GFRA2: variants seen among roughly 807,000 people sequenced by gnomAD.
The protein encoded by GFRA2 is GDNF family receptor alpha-2.
GFRA2 carries 17 observed loss-of-function variants against 48.3 expected under a neutral mutation model. The observed-to-expected ratio is 0.35, with a 90% CI of 0.24 to 0.53. The LOEUF (loss-of-function observed/expected upper bound fraction) is 0.53. GFRA2 is among the 20% of genes least tolerant of loss of function. The pLI, the probability that GFRA2 is intolerant of heterozygous loss-of-function variation, is 0.93. For synonymous variants in GFRA2, 305 were observed against 257.2 expected (o/e 1.19, Z -1.78); for missense variants, 660 against 637.3 (o/e 1.04, Z -0.38).
rs1010871640 is a variant in GFRA2, at chr8:21,776,934, G to C, written c.356-1879C>G. 8.5e-5 allele frequency among the ~76,000 whole-genome samples: 13 copies of C among 152,242 alleles called. No individual in the cohort carries two copies. In the East Asian group the frequency reaches 2.5e-3, roughly 29 times the overall value. On this transcript the variant is annotated intron_variant, in intron 2 of 8. Transcript: ENST00000524240. ...GGGTTACCAGCCATTGCTATTTATT[G>C]AGGCCAAACAATATAGGAACTTAGG...
chr8:21,711,689 T>TTTTTTTTTTTTCTC (rs1803038279), intron 4 of GFRA2, among the ~76,000 whole-genome samples: 1 of 133,754 alleles, frequency 7.5e-6, no homozygotes, highest in African/African-American at 3.0e-5. Flanking sequence ...ACAGTTTTTC[T>TTTTTTTTTTTTCTC]TTTTTTTTTT....
intron 7 of GFRA2, among the ~76,000 whole-genome samples, chr8:21,698,361 T>C (rs1043301007): frequency 6.6e-6 from 1 of 152,182 alleles, no homozygotes; most frequent in African/African-American, 2.4e-5. Flanking sequence ...GCATGCTTCA[T>C]CCTTCCATAG....
intron 4 of GFRA2, among the ~76,000 whole-genome samples, chr8:21,733,444 G>A (rs527985392): frequency 2.6e-5 from 4 of 152,302 alleles, no homozygotes; most frequent in Non-Finnish European, 5.9e-5. Context: ...ATGAAAGGTA[G>A]AAACCCATAG....
chr8:21,744,261 C>T (rs1804884611), intron 4 of GFRA2, among the ~76,000 whole-genome samples: 1 of 152,198 alleles, frequency 6.6e-6, no homozygotes. Flanking sequence ...GTGAGCCCAA[C>T]TTCCTCTGCT....
At chr8:21,762,821 G>A (rs36159947) in intron 3 of GFRA2, among the ~76,000 whole-genome samples, 1 of 152,092 alleles carries the variant, frequency 6.6e-6, no homozygotes, top group Non-Finnish European at 1.5e-5. Flanking sequence ...TATTTGGGGG[G>A]TTTTTTAATA....
chr8:21,695,469 G>A (rs1802116192), intron 7 of GFRA2, among the ~76,000 whole-genome samples: 1 of 152,110 alleles, frequency 6.6e-6, no homozygotes, highest in African/African-American at 2.4e-5. Context: ...TACCACCCAG[G>A]GCATCTGGTC....
intron 1 of GFRA2, among the ~76,000 whole-genome samples, chr8:21,785,041 A>G (rs1488128628): frequency 6.6e-6 from 1 of 152,158 alleles, no homozygotes; most frequent in Admixed American, 6.5e-5. Context: ...CCCATAGGCT[A>G]ATGCCCTCCC....
At chr8:21,775,794 G>C (rs1019970021) in intron 2 of GFRA2, among the ~76,000 whole-genome samples, 1,679 of 152,044 alleles carry the variant, frequency 0.011, 27 homozygotes, top group African/African-American at 0.037. Context: ...ACCTTTCCTC[G>C]AGGCTTTGGG....
chr8:21,700,395 T>C (rs971780590), intron 7 of GFRA2, among the ~76,000 whole-genome samples: 2 of 152,130 alleles, frequency 1.3e-5, no homozygotes, highest in African/African-American at 4.8e-5. Context: ...ACCTAAGACA[T>C]CGGCCACAGG....
At chr8:21,781,253 G>T (rs1203831447) in intron 2 of GFRA2, among the ~76,000 whole-genome samples, 1 of 152,066 alleles carries the variant, frequency 6.6e-6, no homozygotes, top group South Asian at 2.1e-4. Flanking sequence ...GCATTTTGCT[G>T]AAGCACAGAT....
intron 4 of GFRA2, among the ~76,000 whole-genome samples, chr8:21,721,379 C>G (rs192725928): frequency 1.5e-3 from 226 of 152,274 alleles, no homozygotes; most frequent in Non-Finnish European, 2.7e-3. Flanking sequence ...TAACACACAT[C>G]CTTAAGCACC....
At chr8:21,726,771 G>C (rs983673111) in intron 4 of GFRA2, among the ~76,000 whole-genome samples, 40 of 53,870 alleles carry the variant, frequency 7.4e-4, no homozygotes, top group Non-Finnish European at 1.3e-3. Context: ...TTTTTTTTTT[G>C]AGACAGAGTC....
chr8:21,757,483 T>C (rs1047657681), intron 3 of GFRA2, among the ~76,000 whole-genome samples: 3 of 151,388 alleles, frequency 2.0e-5, no homozygotes, highest in African/African-American at 7.3e-5. Context: ...GTTTAATTGA[T>C]TTTTTCTTTA....
chr8:21,798,684 A>T (rs1241484304), intron 2 of GFRA2, among the ~76,000 whole-genome samples: 1 of 152,192 alleles, frequency 6.6e-6, no homozygotes, highest in Non-Finnish European at 1.5e-5. Context: ...TGACTTTTCC[A>T]GGCAGCCCAC....
intron 4 of GFRA2, among the ~76,000 whole-genome samples, chr8:21,708,483 A>G (rs1204613370): frequency 6.6e-6 from 1 of 152,238 alleles, no homozygotes; most frequent in African/African-American, 2.4e-5. Flanking sequence ...ATTTAGAGAC[A>G]AAATCTGTTG....
chr8:21,772,568 G>A (rs762075020), intron 3 of GFRA2, among the ~76,000 whole-genome samples: 15 of 152,102 alleles, frequency 9.9e-5, no homozygotes, highest in Non-Finnish European at 1.2e-4. Flanking sequence ...TAACCCTAAC[G>A]CTTCTCTGGG....
intron 4 of GFRA2, among the ~76,000 whole-genome samples, chr8:21,710,627 C>T (rs1450750142): frequency 6.6e-6 from 1 of 152,202 alleles, no homozygotes; most frequent in East Asian, 1.9e-4. Flanking sequence ...TGGCTAGGCC[C>T]CCGGGTGACC....
At chr8:21,694,076 T>TA (rs1281918168) in intron 8 of GFRA2, among the ~76,000 whole-genome samples, 39,932 of 117,234 alleles carry the variant, frequency 0.34, 10,377 homozygotes, top group African/African-American at 0.53. Context: ...TTTATTTATT[T>TA]TTATATATAT....
At chr8:21,769,594 G>A (rs1468002040) in intron 3 of GFRA2, among the ~76,000 whole-genome samples, 2 of 152,116 alleles carry the variant, frequency 1.3e-5, no homozygotes, top group Non-Finnish European at 2.9e-5. Context: ...GGACTAGCCG[G>A]CCTCAAAGTT....
Sources: gnomAD v4.1 joint callset for allele counts (sites outside exome capture counted in the v4.1 genomes callset) on GRCh38, gnomAD v4.1.1 for gene constraint, MANE v1.5 for transcripts, NCBI Gene and HGNC (gene_info 2026-07-23, HGNC 2026-07-21) for gene names.